ANKRD44: variants seen among roughly 807,000 people sequenced by gnomAD.
The protein encoded by ANKRD44 is serine/threonine-protein phosphatase 6 regulatory ankyrin repeat subunit B.
Under a neutral mutation model 116.0 loss-of-function variants are expected in ANKRD44, and 35 were observed. The ratio of observed to expected loss-of-function variants is 0.30; its 90% confidence interval spans 0.23 to 0.40. The LOEUF (loss-of-function observed/expected upper bound fraction) is 0.40. ANKRD44 is among the 10% of genes least tolerant of loss of function. The probability of loss-of-function intolerance (pLI) is 1.00; values close to 1 mark genes in which losing one functional copy is unlikely to be tolerated. For synonymous variants in ANKRD44, 435 were observed against 461.8 expected (o/e 0.94, Z 0.74); for missense variants, 1,014 against 1,242.6 (o/e 0.82, Z 2.77).
chr2:197,244,877 A>C (rs915984444), intron 1 of ANKRD44, among the ~76,000 whole-genome samples: 7 of 152,186 alleles, frequency 4.6e-5, no homozygotes, highest in Admixed American at 3.3e-4. Context: ...GCCAATTTTG[A>C]ATTTACAGTT....
intron 16 of ANKRD44, among the ~76,000 whole-genome samples, chr2:197,073,946 T>G (rs1309033135): frequency 6.6e-6 from 1 of 152,182 alleles, no homozygotes; most frequent in East Asian, 1.9e-4. Flanking sequence ...CCAAATTCAT[T>G]CATGGTAAAG....
intron 20 of ANKRD44, among the ~76,000 whole-genome samples, 171 bp from the exon 21 acceptor site, chr2:197,006,081 A>G (rs1310404602): frequency 6.6e-6 from 1 of 152,102 alleles, no homozygotes; most frequent in African/African-American, 2.4e-5. Context: ...AGCAAAATTC[A>G]TAACAGAAAA....
chr2:197,119,598 T>C (rs929489577), intron 8 of ANKRD44, among the ~76,000 whole-genome samples: 3 of 152,120 alleles, frequency 2.0e-5, no homozygotes, highest in African/African-American at 4.8e-5. Context: ...TTCTGAAAAT[T>C]TGTCACATCT....
Position 197,125,762 on chromosome 2 carries a change from C to G in ANKRD44, c.462+75G>C, listed in dbSNP as rs544089936. The G allele has an allele frequency of 4.0e-5, 58 of 1,464,938 alleles. 1 individual carries two copies. In the South Asian group the frequency reaches 6.2e-4, roughly 16 times the overall value. 90.7% of individuals were successfully genotyped at this position (1,464,938 alleles called of 1,614,324 possible). Reference sequence around the variant, plus strand: ...TTCATCACATTCTTTAAAATCTCAGCAAGAAGATCAGTTTCCACTTGTGGC... The same window carrying G: ...TTCATCACATTCTTTAAAATCTCAGGAAGAAGATCAGTTTCCACTTGTGGC... On this transcript the variant is annotated intron_variant, in intron 5 of 27. Coordinates refer to ENST00000282272, the MANE Select transcript of ANKRD44 (RefSeq NM_001195144.2).
rs186144402 is a variant in ANKRD44, at chr2:197,216,113, C to G, written c.28-29007G>C. Among the ~76,000 whole-genome samples the G allele has an allele frequency of 6.6e-5, 10 of 152,308 alleles. No individual in the cohort carries two copies. The East Asian group carries it at 1.9e-3, about 29-fold the overall frequency. ...CTTAGTAAAACCAAGAAGACATCAC[C>G]TACCTCTTCTGGAGGCTTGTGAGGA... On this transcript the variant is annotated intron_variant, in intron 1 of 27. Coordinates refer to ENST00000282272, the MANE Select transcript of ANKRD44 (RefSeq NM_001195144.2).
chr2:197,022,660 T>C (rs1453602634), intron 17 of ANKRD44, among the ~76,000 whole-genome samples: 1 of 152,200 alleles, frequency 6.6e-6, no homozygotes, highest in Non-Finnish European at 1.5e-5. Context: ...TCAACATGCA[T>C]AGCTCTTAAG....
At chr2:197,118,240 A>T (rs1559077121) in intron 8 of ANKRD44, among the ~76,000 whole-genome samples, 2 of 151,166 alleles carry the variant, frequency 1.3e-5, no homozygotes, top group Non-Finnish European at 1.5e-5. Context: ...AATAAAAATA[A>T]TTTTTTAAAA....
intron 1 of ANKRD44, among the ~76,000 whole-genome samples, chr2:197,217,243 T>C (rs1362979288): frequency 6.6e-6 from 1 of 152,152 alleles, no homozygotes; most frequent in Non-Finnish European, 1.5e-5. Context: ...TCAAAACCAG[T>C]AAAGAAGCAA....
At chr2:197,084,029 T>C (rs1462512654) in intron 13 of ANKRD44, among the ~76,000 whole-genome samples, 2 of 152,194 alleles carry the variant, frequency 1.3e-5, no homozygotes, top group East Asian at 3.8e-4. Flanking sequence ...GTGTCCATAA[T>C]TTCTAGTTAA....
At chr2:197,186,903 C>A in intron 2 of ANKRD44, 120 bp downstream of exon 2, 1 of 743,468 alleles carries the variant, frequency 1.3e-6, no homozygotes, top group Non-Finnish European at 2.3e-6. Flanking sequence ...AGAACAGTGT[C>A]CTGAGAAACA....
chr2:197,211,767 G>T (rs563102916), intron 1 of ANKRD44, among the ~76,000 whole-genome samples: 1 of 152,054 alleles, frequency 6.6e-6, no homozygotes, highest in Admixed American at 6.5e-5. Flanking sequence ...GGTTCCAGGT[G>T]TTCATTAGGA....
intron 1 of ANKRD44, among the ~76,000 whole-genome samples, chr2:197,266,174 T>C (rs1376378226): frequency 1.3e-5 from 2 of 152,132 alleles, no homozygotes; most frequent in East Asian, 3.9e-4. Context: ...TCATAGTCTT[T>C]CAGGGGTTCA....
At chr2:197,223,705 A>G (rs1024232374) in intron 1 of ANKRD44, among the ~76,000 whole-genome samples, 4 of 152,188 alleles carry the variant, frequency 2.6e-5, no homozygotes, top group Non-Finnish European at 5.9e-5. Context: ...CACAGCTTCA[A>G]CCTATCTCCA....
chr2:197,069,972 A>G (rs1251408397), intron 16 of ANKRD44, among the ~76,000 whole-genome samples: 2 of 151,870 alleles, frequency 1.3e-5, no homozygotes, highest in African/African-American at 4.8e-5. Context: ...AGGACTAAGC[A>G]CAGAGTTATT....
intron 1 of ANKRD44, among the ~76,000 whole-genome samples, chr2:197,258,919 A>G (rs143349640): frequency 1.3e-5 from 2 of 152,310 alleles, no homozygotes; most frequent in Non-Finnish European, 2.9e-5. Flanking sequence ...TAGGATAGAA[A>G]TGTAATGCTT....
At chr2:196,992,976 T>G (rs2075948949) in intron 27 of ANKRD44, among the ~76,000 whole-genome samples, 1 of 152,218 alleles carries the variant, frequency 6.6e-6, no homozygotes, top group Admixed American at 6.5e-5. Flanking sequence ...CTAGTAGCCA[T>G]TCCTTTCAAA....
At chr2:197,044,552 G>A (rs1264152956) in intron 16 of ANKRD44, among the ~76,000 whole-genome samples, 1 of 152,082 alleles carries the variant, frequency 6.6e-6, no homozygotes, top group African/African-American at 2.4e-5. Context: ...GTAGAGACAG[G>A]GTTTCACCAT....
intron 9 of ANKRD44, among the ~76,000 whole-genome samples, chr2:197,108,448 T>C (rs1216140066): frequency 6.6e-6 from 1 of 152,158 alleles, no homozygotes; most frequent in Non-Finnish European, 1.5e-5. Flanking sequence ...ATAAGCAAGA[T>C]GCCAGGACAA....
intron 13 of ANKRD44, among the ~76,000 whole-genome samples, chr2:197,083,964 T>C (rs755006171): frequency 6.6e-6 from 1 of 152,210 alleles, no homozygotes; most frequent in African/African-American, 2.4e-5. Context: ...GTCTATGTTA[T>C]TGCTTTTTTG....
Sources: allele counts gnomAD v4.1 joint callset (sites outside exome capture counted in the v4.1 genomes callset), GRCh38; gene constraint gnomAD v4.1.1; transcripts MANE v1.5; gene names NCBI Gene and HGNC (gene_info 2026-07-23, HGNC 2026-07-21).